The following PTPRT variants were observed in gnomAD, a reference collection of about 807,000 sequenced individuals.
PTPRT encodes protein tyrosine phosphatase receptor type T, also known as receptor-type tyrosine-protein phosphatase T.
In PTPRT, 56 loss-of-function variants were observed where a neutral mutation model predicts 176.8. The ratio of observed to expected loss-of-function variants is 0.32; its 90% CI spans 0.26 to 0.40. The LOEUF (loss-of-function observed/expected upper bound fraction) is 0.40. Ranked by LOEUF, PTPRT falls within the 10% of genes least tolerant of loss-of-function variation. The probability of loss-of-function intolerance (pLI) is 1.00; values close to 1 mark genes in which losing one functional copy is unlikely to be tolerated. For synonymous variants in PTPRT, 783 were observed against 739.0 expected (o/e 1.06, Z -0.96); for missense variants, 1,540 against 1,908.2 (o/e 0.81, Z 3.60).
chr20:42,109,832 G>T (rs1076666), intron 23 of PTPRT, among the ~76,000 whole-genome samples: 35,975 of 152,064 alleles, frequency 0.24, 4,578 homozygotes, highest in African/African-American at 0.31. Context: ...CCTGGTGACT[G>T]ACTTCTTCAC....
chr20:43,006,185 C>G (rs1984846477), intron 1 of PTPRT, among the ~76,000 whole-genome samples: 1 of 152,160 alleles, frequency 6.6e-6, no homozygotes, highest in Non-Finnish European at 1.5e-5. Flanking sequence ...CAAGAGGATA[C>G]ATTTTTAAAA....
At chr20:43,153,186 G>A (rs1250656611) in intron 1 of PTPRT, among the ~76,000 whole-genome samples, 1 of 152,168 alleles carries the variant, frequency 6.6e-6, no homozygotes, top group Non-Finnish European at 1.5e-5. Flanking sequence ...CTAATATCTT[G>A]AGATACATAG....
intron 7 of PTPRT, among the ~76,000 whole-genome samples, chr20:42,600,176 G>C (rs1433819657): frequency 6.6e-6 from 1 of 152,016 alleles, no homozygotes; most frequent in African/African-American, 2.4e-5. Context: ...GTCTCACTCT[G>C]TCACCCCCAC....
At chr20:42,667,679 T>A (rs911178454) in intron 7 of PTPRT, among the ~76,000 whole-genome samples, 6 of 152,222 alleles carry the variant, frequency 3.9e-5, no homozygotes, top group Non-Finnish European at 8.8e-5. Flanking sequence ...TGTAACTGAA[T>A]AAAGATTTAG....
intron 1 of PTPRT, among the ~76,000 whole-genome samples, chr20:43,172,772 C>T (rs1483653615): frequency 1.3e-5 from 2 of 152,104 alleles, no homozygotes; most frequent in Admixed American, 6.5e-5. Flanking sequence ...AAAATCGAGG[C>T]TCAAAGGGTT....
chr20:42,950,071 C>A (rs1981142960), intron 1 of PTPRT, among the ~76,000 whole-genome samples: 3 of 152,160 alleles, frequency 2.0e-5, no homozygotes, highest in Admixed American at 6.5e-5. Flanking sequence ...AGCGGTACTG[C>A]AAGTGTTATT....
At chr20:42,645,763 T>C (rs575897367) in intron 7 of PTPRT, among the ~76,000 whole-genome samples, 39 of 125,182 alleles carry the variant, frequency 3.1e-4, no homozygotes, top group Admixed American at 1.5e-3. Flanking sequence ...GATGTGTATT[T>C]ATGTGTGTGT....
At chr20:43,116,654 T>C (rs2013070485) in intron 1 of PTPRT, among the ~76,000 whole-genome samples, 1 of 152,256 alleles carries the variant, frequency 6.6e-6, no homozygotes, top group Admixed American at 6.5e-5. Flanking sequence ...TGTGTTTCAG[T>C]AACTCACTAG....
At chr20:42,543,762 T>A (rs946964981) in intron 7 of PTPRT, among the ~76,000 whole-genome samples, 9 of 152,154 alleles carry the variant, frequency 5.9e-5, no homozygotes, top group African/African-American at 2.2e-4. Flanking sequence ...AATGACTTCT[T>A]GATCCATGGT....
intron 2 of PTPRT, among the ~76,000 whole-genome samples, chr20:42,824,421 C>A (rs1047415287): frequency 1.3e-5 from 2 of 151,836 alleles, no homozygotes; most frequent in Non-Finnish European, 2.9e-5. Context: ...GACATAAAAA[C>A]AGACAGGCTA....
chr20:42,279,964 C>T (rs528817069), intron 13 of PTPRT, among the ~76,000 whole-genome samples: 2 of 151,930 alleles, frequency 1.3e-5, no homozygotes, highest in Admixed American at 6.6e-5. Flanking sequence ...AAGCAGCTGC[C>T]GTGATGACAG....
intron 27 of PTPRT, among the ~76,000 whole-genome samples, 168 bp from the exon 28 acceptor site, chr20:42,086,021 C>T (rs1983867123): frequency 6.6e-6 from 1 of 151,326 alleles, no homozygotes; most frequent in South Asian, 2.1e-4. Flanking sequence ...GATTTTGGCT[C>T]ACTGCAACCT....
intron 7 of PTPRT, among the ~76,000 whole-genome samples, chr20:42,510,185 T>G (rs942370790): frequency 6.6e-6 from 1 of 152,112 alleles, no homozygotes; most frequent in African/African-American, 2.4e-5. Context: ...AGCACCATCA[T>G]GTGCATAAGT....
At chr20:42,640,670 G>A (rs1042781950) in intron 7 of PTPRT, among the ~76,000 whole-genome samples, 7 of 152,028 alleles carry the variant, frequency 4.6e-5, no homozygotes, top group Non-Finnish European at 5.9e-5. Context: ...GCCACCCAGC[G>A]AGAATCTTCT....
At chr20:42,270,574 A>G in intron 13 of PTPRT, 1 of 732,758 alleles carries the variant, frequency 1.4e-6, no homozygotes, top group Non-Finnish European at 2.3e-6. Flanking sequence ...AAGAGCTCAC[A>G]CTAAATAGCA....
In PTPRT at chr20:43,107,453, G is replaced by C. The variant is rs8122210; in HGVS notation, c.88+82193C>G. Among the ~76,000 whole-genome samples, 149 of 152,320 alleles carry C rather than the reference G, an allele frequency of 9.8e-4. 1 individual carries two copies. The highest frequency in any genetic ancestry group is 3.5e-3 in the African/African-American group (144 of 41,564). ...TTGAAGAGTTTCACATCCTCTGGTT[G>C]AAAGAATGAAATAAAATACAAGACA... On this transcript the variant is annotated intron_variant, in intron 1 of 30. Coordinates refer to ENST00000373187, the MANE Select transcript of PTPRT (RefSeq NM_007050.6).
At chr20:42,061,217 C>T in the PTPRT span, among the ~76,000 whole-genome samples, 4 of 152,074 alleles carry the variant, frequency 2.6e-5, no homozygotes, top group African/African-American at 7.2e-5. Context: ...ATGTGGAACT[C>T]GGTGATCCAC....
chr20:42,772,603 A>G (rs2077078787), intron 4 of PTPRT, among the ~76,000 whole-genome samples: 1 of 152,164 alleles, frequency 6.6e-6, no homozygotes, highest in Non-Finnish European at 1.5e-5. Flanking sequence ...TGGCTGATAA[A>G]TTGTATCTAG....
At chr20:42,516,514 C>T (rs1046905738) in intron 7 of PTPRT, among the ~76,000 whole-genome samples, 7 of 152,136 alleles carry the variant, frequency 4.6e-5, no homozygotes, top group Admixed American at 2.0e-4. Context: ...GTTTATATTA[C>T]ATGACTAGAC....
Sources: gnomAD v4.1 joint callset for allele counts (sites outside exome capture counted in the v4.1 genomes callset) on GRCh38, gnomAD v4.1.1 for gene constraint, MANE v1.5 for transcripts, NCBI Gene and HGNC (gene_info 2026-07-23, HGNC 2026-07-21) for gene names.